The following UGT2A1 variants were observed in gnomAD, a reference collection of about 807,000 sequenced individuals.
UGT2A1 encodes the protein UDP glucuronosyltransferase family 2 member A1 complex locus, also known as UDP-glucuronosyltransferase 2A1.
UGT2A1 carries 61 observed loss-of-function variants against 45.4 expected under a neutral mutation model. The observed-to-expected ratio is 1.34, with a 90% confidence interval of 1.09 to 1.66. UGT2A1 has a LOEUF of 1.66. Among genes scored for constraint, UGT2A1 ranks in the 40% most tolerant of loss-of-function variants. UGT2A1 has a pLI of 0.00. For synonymous variants in UGT2A1, 229 were observed against 196.2 expected, an observed-to-expected ratio of 1.17 and a Z score of -1.40; for missense variants, 649 against 574.3, an observed-to-expected ratio of 1.13 and a Z score of -1.33.
chr4:69,598,067 C>T (rs1437479059), intron 4 of UGT2A1, among the ~76,000 whole-genome samples: 1 of 151,984 alleles, frequency 6.6e-6, no homozygotes, highest in African/African-American at 2.4e-5. Flanking sequence ...ATCCAGTGAC[C>T]TATGGATACG....
intron 3 of UGT2A1, among the ~76,000 whole-genome samples, chr4:69,628,870 G>A (rs900639236): frequency 3.3e-5 from 5 of 151,024 alleles, no homozygotes; most frequent in African/African-American, 1.2e-4. Context: ...AAATTCAAAG[G>A]AATCTACAGC....
intron 3 of UGT2A1, among the ~76,000 whole-genome samples, chr4:69,617,235 T>C (rs986763505): frequency 1.2e-4 from 18 of 151,918 alleles, no homozygotes; most frequent in Non-Finnish European, 2.4e-4. Context: ...AAATCTCACT[T>C]GAGACTTTCT....
Position 69,644,549 on chromosome 4 carries a change from A to T in UGT2A1, c.715+2381T>A, listed in dbSNP as rs977163698. ...CAGTTTCATTGCTTCACAAAACTTC[A>T]ATTTTTTTTCTCTGCTTTCTTTTAA... On this transcript the variant is annotated intron_variant, in intron 2 of 6. Coordinates refer to ENST00000286604, the MANE Select transcript of UGT2A1 (RefSeq NM_001252275.3). Among the ~76,000 whole-genome samples, 4 of 151,732 alleles carry T rather than the reference A, an allele frequency of 2.6e-5. No homozygotes were observed. The South Asian group carries it at 8.3e-4, about 32-fold the overall frequency.
chr4:69,600,809 TA>T lies in UGT2A1; in HGVS notation c.848-1416del, dbSNP rs34446108. Among the ~76,000 whole-genome samples the T allele has an allele frequency of 5.7e-4, 83 of 145,836 alleles. 1 individual carries two copies. Among genetic ancestry groups the T allele is most frequent in the Non-Finnish European group, 9.1e-4 (60 of 66,172 alleles). ...AGTGAGGGCAAAGGTGCTATACACT[TA>T]AAAAAAAAAACAGATCTCGTGATAA... is the stretch of plus-strand genomic sequence containing the variant. On this transcript the variant is annotated intron_variant, in intron 3 of 6. Transcript: ENST00000286604.
At chr4:69,627,459 GGC>G (rs2109948381) in intron 3 of UGT2A1, among the ~76,000 whole-genome samples, 1 of 63,938 alleles carries the variant, frequency 1.6e-5, no homozygotes, top group African/African-American at 7.5e-5. Context: ...TAGGCAGACA[GGC>G]AAGCAGGCAG....
Position 69,594,630 on chromosome 4 carries a change from T to G in UGT2A1, c.1151A>C (p.His384Pro), listed in dbSNP as rs775741879. ...GGGAACTCCCACCATAGGGACTCCG[T>G]GGTAAATAGCTTCGTAGATCCCATT... ...GTNGIYEAIY[H>P]GVPMVGVPMF... is the part of the protein sequence containing the mutation. The change falls in exon 6 of 7, where the codon CAC becomes CCC. Residue 384 changes from histidine (H) to proline (P), a missense_variant. Transcript: ENST00000286604. The G allele has an allele frequency of 6.2e-7, 1 of 1,614,038 alleles. No homozygotes were observed. Among genetic ancestry groups the G allele is most frequent in the Non-Finnish European group, 8.5e-7 (1 of 1,179,994 alleles).
chr4:69,633,789 A>C (rs1021760227), intron 3 of UGT2A1, among the ~76,000 whole-genome samples: 11 of 152,164 alleles, frequency 7.2e-5, no homozygotes, highest in African/African-American at 2.7e-4. Flanking sequence ...TTACCATTAA[A>C]TAGGAGTTGT....
chr4:69,642,548 A>G (rs1240323528), intron 2 of UGT2A1, among the ~76,000 whole-genome samples: 1 of 151,726 alleles, frequency 6.6e-6, no homozygotes, highest in Non-Finnish European at 1.5e-5. Context: ...ATCAAGAATC[A>G]TGGAAGGATA....
At chr4:69,639,753 C>T (rs2109970233) in intron 2 of UGT2A1, 5 of 1,008,656 alleles carry the variant, frequency 5.0e-6, no homozygotes, top group Non-Finnish European at 5.4e-6. Flanking sequence ...GTCAATTGAT[C>T]TTTAGATTAA....
At chr4:69,607,509 G>T (rs1363490796) in intron 3 of UGT2A1, among the ~76,000 whole-genome samples, 1 of 151,726 alleles carries the variant, frequency 6.6e-6, no homozygotes, top group Non-Finnish European at 1.5e-5. Context: ...ATAGGCATGG[G>T]CAAGGACTTC....
At chr4:69,590,808 C>A (rs1718554419) in intron 6 of UGT2A1, among the ~76,000 whole-genome samples, 1 of 152,046 alleles carries the variant, frequency 6.6e-6, no homozygotes, top group Admixed American at 6.6e-5. Flanking sequence ...TGATGTGGGA[C>A]AAAGACCATG....
intron 3 of UGT2A1, among the ~76,000 whole-genome samples, chr4:69,622,166 T>G (rs1333333540): frequency 6.6e-6 from 1 of 151,814 alleles, no homozygotes; most frequent in Non-Finnish European, 1.5e-5. Context: ...AGGTTTTTAT[T>G]TTTTTAAATA....
At chr4:69,648,692 T>A (rs1560499190) in intron 1 of UGT2A1, among the ~76,000 whole-genome samples, 1 of 152,044 alleles carries the variant, frequency 6.6e-6, no homozygotes, top group Non-Finnish European at 1.5e-5. Flanking sequence ...AAGAAAATAT[T>A]ACTTATTGGG....
intron 6 of UGT2A1, among the ~76,000 whole-genome samples, chr4:69,590,154 G>A (rs566489491): frequency 1.1e-4 from 16 of 152,310 alleles, no homozygotes; most frequent in African/African-American, 3.8e-4. Flanking sequence ...GCACACATCT[G>A]TATGTTTGTG....
intron 3 of UGT2A1, among the ~76,000 whole-genome samples, chr4:69,609,439 A>T (rs1422101177): frequency 6.6e-6 from 1 of 152,016 alleles, no homozygotes; most frequent in East Asian, 1.9e-4. Flanking sequence ...GGCTCAAGTG[A>T]TATACCTTGG....
At chr4:69,621,428 T>A (rs1364695780) in intron 3 of UGT2A1, among the ~76,000 whole-genome samples, 1 of 151,928 alleles carries the variant, frequency 6.6e-6, no homozygotes, top group Non-Finnish European at 1.5e-5. Flanking sequence ...ATTGGAGAAA[T>A]GAAAATCAAA....
At chr4:69,626,630 A>T (rs1721074548) in intron 3 of UGT2A1, among the ~76,000 whole-genome samples, 1 of 151,372 alleles carries the variant, frequency 6.6e-6, no homozygotes, top group African/African-American at 2.4e-5. Flanking sequence ...TTGGAAACTA[A>T]AATGAAAGCA....
chr4:69,620,901 A>C (rs1469068425), intron 3 of UGT2A1, among the ~76,000 whole-genome samples: 1 of 152,030 alleles, frequency 6.6e-6, no homozygotes, highest in African/African-American at 2.4e-5. Flanking sequence ...AGCAATAAGA[A>C]AAGGATTCCC....
intron 3 of UGT2A1, among the ~76,000 whole-genome samples, chr4:69,629,446 G>A (rs899594859): frequency 1.3e-5 from 2 of 152,108 alleles, no homozygotes; most frequent in South Asian, 4.2e-4. Context: ...TATATCTGAG[G>A]TCTTGGTCCA....
Sources: allele counts gnomAD v4.1 joint callset (sites outside exome capture counted in the v4.1 genomes callset), GRCh38; gene constraint gnomAD v4.1.1; transcripts MANE v1.5; gene names NCBI Gene and HGNC (gene_info 2026-07-23, HGNC 2026-07-21).